Variants in CENPE observed in about 807,000 individuals in gnomAD.
CENPE encodes centromere protein E, also known as centromere-associated protein E.
A neutral mutation model predicts 336.1 loss-of-function variants in CENPE; 145 were observed. The ratio of observed to expected loss-of-function variants is 0.43; its 90% CI spans 0.38 to 0.50. The LOEUF (loss-of-function observed/expected upper bound fraction) is 0.50. Ranked by LOEUF, CENPE falls within the 20% of genes least tolerant of loss-of-function variation. The probability of loss-of-function intolerance (pLI) is 0.00; values close to 1 mark genes in which losing one functional copy is unlikely to be tolerated. For missense variants in CENPE, 2,719 were observed against 3,023.3 expected, an observed-to-expected ratio of 0.90 and a Z score of 2.36; for synonymous variants, 1,013 against 984.8, an observed-to-expected ratio of 1.03 and a Z score of -0.54.
intron 16 of CENPE, 83 bp downstream of exon 16, chr4:103,174,653 A>C: frequency 9.6e-6 from 10 of 1,036,844 alleles, no homozygotes; most frequent in Non-Finnish European, 1.3e-5. Flanking sequence ...AAAAAAATTA[A>C]AAAAGCTTAC....
chr4:103,190,197 C>T (rs1398477439), intron 8 of CENPE, among the ~76,000 whole-genome samples: 12 of 152,206 alleles, frequency 7.9e-5, no homozygotes, highest in South Asian at 2.1e-4. Context: ...GAATCAATAT[C>T]GTGAAAATGG....
At chr4:103,147,331 A>G (rs780330641) in intron 29 of CENPE, 25 bp downstream of exon 29, 1 of 1,567,008 alleles carries the variant, frequency 6.4e-7, no homozygotes, top group African/African-American at 1.4e-5. Flanking sequence ...CACTTGTTAA[A>G]ATGGGAGGAA....
intron 24 of CENPE, among the ~76,000 whole-genome samples, chr4:103,157,573 C>T (rs934736938): frequency 5.9e-5 from 9 of 151,792 alleles, no homozygotes; most frequent in African/African-American, 1.9e-4. Context: ...TAGCCAGGGT[C>T]TGTGGGAAGG....
chr4:103,136,013 C>A, intron 40 of CENPE, 128 bp downstream of exon 40: 1 of 755,062 alleles, frequency 1.3e-6, no homozygotes, highest in Non-Finnish European at 2.2e-6. Context: ...TATGCTCAGA[C>A]CCACATAATC....
intron 8 of CENPE, among the ~76,000 whole-genome samples, chr4:103,193,906 G>A (rs1212807116): frequency 6.6e-6 from 1 of 151,976 alleles, no homozygotes; most frequent in Non-Finnish European, 1.5e-5. Context: ...ATTCTAAGAT[G>A]ATCTAAAGTG....
rs1289684719 is a variant in CENPE at position 103,132,673 on chromosome 4, C to G, written c.6924+20G>C. The G allele has an allele frequency of 1.5e-6, 2 of 1,292,440 alleles. No individual in the cohort carries two copies. The highest frequency in any genetic ancestry group is 2.2e-5 in the Admixed American group (1 of 46,282). The allele number at this position is 1,292,440 out of a possible 1,614,324, so 80.1% of individuals were successfully genotyped here. On this transcript the variant is annotated intron_variant, in intron 42 of 48. Transcript: ENST00000265148. ...AGCAAACAGCAACAAAAAAGTAGTA[C>G]AGCAAAAAGTAATACTTACAATTAT... is the stretch of plus-strand genomic sequence containing the variant.
chr4:103,154,235 C>T (rs1190519915), intron 24 of CENPE, among the ~76,000 whole-genome samples: 1 of 150,984 alleles, frequency 6.6e-6, no homozygotes, highest in African/African-American at 2.4e-5. Context: ...CTTCACACAA[C>T]AAACTATTAG....
chr4:103,175,166 A>G (rs866516002), intron 15 of CENPE, among the ~76,000 whole-genome samples: 2 of 152,040 alleles, frequency 1.3e-5, no homozygotes, highest in African/African-American at 2.4e-5. Context: ...AATAAAACTG[A>G]TAATTGAATT....
Position 103,122,844 on chromosome 4 carries a change from A to G in CENPE, c.7143+27T>C, listed in dbSNP as rs545321803. 71 of 1,545,394 alleles carry G rather than the reference A, an allele frequency of 4.6e-5. 3 individuals are homozygous for G. In the South Asian group the frequency reaches 7.2e-4, roughly 16 times the overall value. On this transcript the variant is annotated intron_variant, in intron 43 of 48. Coordinates refer to ENST00000265148, the MANE Select transcript of CENPE (RefSeq NM_001813.3). The stretch of plus-strand genomic sequence containing the variant: ...AACTCTGTGATGAAGCTGCAAACTG[A>G]AGAACATTTTATAAGAAATTATATA...
intron 42 of CENPE, among the ~76,000 whole-genome samples, chr4:103,128,535 GCT>G (rs1751324572): frequency 6.6e-6 from 1 of 152,134 alleles, no homozygotes; most frequent in African/African-American, 2.4e-5. Context: ...ATACCATTCT[GCT>G]CTCAGACCAC....
intron 8 of CENPE, among the ~76,000 whole-genome samples, chr4:103,192,342 C>T (rs1216113880): frequency 4.6e-5 from 7 of 151,874 alleles, no homozygotes; most frequent in African/African-American, 1.7e-4. Flanking sequence ...ACTCAGAGGC[C>T]CAATCTATGA....
At chr4:103,130,282 CAA>C (rs1751470265) in intron 42 of CENPE, among the ~76,000 whole-genome samples, 1 of 152,114 alleles carries the variant, frequency 6.6e-6, no homozygotes, top group Non-Finnish European at 1.5e-5. Flanking sequence ...AAGGCATCAA[CAA>C]AAATACTCCT....
chr4:103,186,402 C>A (rs1456603481), intron 8 of CENPE, among the ~76,000 whole-genome samples: 4 of 152,218 alleles, frequency 2.6e-5, no homozygotes, highest in East Asian at 1.9e-4. Flanking sequence ...CCTTGAACTG[C>A]ATAACCAGAA....
chr4:103,196,861 A>T lies in CENPE; in HGVS notation c.57-11T>A. 1 of 1,320,652 alleles carries T rather than the reference A, an allele frequency of 7.6e-7. No homozygotes were observed. Among genetic ancestry groups the T allele is most frequent in the Non-Finnish European group, 1.1e-6 (1 of 916,712 alleles). 81.8% of individuals were successfully genotyped at this position (1,320,652 alleles called of 1,614,324 possible). A position where few individuals can be genotyped will look rare whatever the true frequency, so the allele number is the denominator to read the frequency against. On this transcript the variant is annotated splice_polypyrimidine_tract_variant and intron_variant, in intron 1 of 48. Transcript: ENST00000265148. ...CCAAGTGATTCTTCTCTAAAAGAAT[A>T]AAAACACCGCATTTTAACCAGTCAT...
chr4:103,177,029 TCTTC>T lies in CENPE; in HGVS notation c.1256_1259del (p.Arg419GlnfsTer12). The T allele has an allele frequency of 1.9e-6, 3 of 1,607,622 alleles. No individual in the cohort carries two copies. The highest frequency in any genetic ancestry group is 1.7e-6 in the Non-Finnish European group (2 of 1,178,052). On this transcript the variant is annotated frameshift_variant, in exon 14 of 49. Transcript: ENST00000265148. LOFTEE classifies it high-confidence loss of function. ...TAATTTTGCCAAGGCACCAAGTAAC[TCTTC>T]GTTTTCTTTTAGCCTAAAGAAGAAG...
intron 42 of CENPE, among the ~76,000 whole-genome samples, chr4:103,125,027 T>C (rs1750973778): frequency 6.6e-6 from 1 of 152,214 alleles, no homozygotes; most frequent in Non-Finnish European, 1.5e-5. Flanking sequence ...GACATGACCT[T>C]ATCCAAACAT....
chr4:103,144,409 A>T lies in CENPE; in HGVS notation c.5067T>A (p.Asp1689Glu). Residue 1689 changes from aspartate (D) to glutamate (E), a missense_variant, in exon 33 of 49, where the codon GAT (aspartate) becomes GAA (glutamate). Physicochemically the swap from Asp to Glu is conservative, Grantham distance 45. Coordinates refer to ENST00000265148, the MANE Select transcript of CENPE (RefSeq NM_001813.3). ...GAGTCTCCTCCACACTCCTAAGGTC[A>T]TCTCTTTCTTTTGTTACAGATCTCA... Reference protein sequence around the residue: ...EEMRSVTKERDDLRSVEETLK... With the variant: ...EEMRSVTKEREDLRSVEETLK... 1 of 1,613,974 alleles carries T rather than the reference A, an allele frequency of 6.2e-7. No homozygotes were observed. Among genetic ancestry groups the T allele is most frequent in the Non-Finnish European group, 8.5e-7 (1 of 1,179,892 alleles).
Position 103,147,373 on chromosome 4 carries a change from T to A in CENPE, c.4117A>T (p.Arg1373Ter). The A allele has an allele frequency of 6.2e-7, 1 of 1,601,824 alleles. No homozygotes were observed. Among genetic ancestry groups the A allele is most frequent in the Non-Finnish European group, 8.5e-7 (1 of 1,177,050 alleles). Residue 1373 changes from arginine to a stop codon, truncating the protein, a stop_gained, in exon 29 of 49, where the codon AGA becomes TGA. Coordinates refer to ENST00000265148, the MANE Select transcript of CENPE (RefSeq NM_001813.3). LOFTEE classifies it high-confidence loss of function. ...VKHDQLKEHI[R>*]ETLAKIQESQ... ...AAACTTACTTTAGCCAAAGTTTCTC[T>A]AATATGTTCTTTCAGCTGGTCATGT...
intron 42 of CENPE, among the ~76,000 whole-genome samples, 166 bp from the exon 43 acceptor site, chr4:103,123,255 A>G (rs1750797363): frequency 6.6e-6 from 1 of 152,226 alleles, no homozygotes; most frequent in African/African-American, 2.4e-5. Context: ...TGAATTGCAC[A>G]TCATTCTGAG....
Sources: allele counts gnomAD v4.1 joint callset (sites outside exome capture counted in the v4.1 genomes callset), GRCh38; gene constraint gnomAD v4.1.1; transcripts MANE v1.5; gene names NCBI Gene and HGNC (gene_info 2026-07-23, HGNC 2026-07-21).